TENM3: variants seen among roughly 807,000 people sequenced by gnomAD.
TENM3 encodes the protein teneurin-3.
TENM3 carries 63 observed loss-of-function variants against 255.1 expected under a neutral mutation model. The ratio of observed to expected loss-of-function variants is 0.25; its 90% CI spans 0.20 to 0.30. The LOEUF (loss-of-function observed/expected upper bound fraction) is 0.30. Ranked by LOEUF, TENM3 falls within the 10% of genes least tolerant of loss-of-function variation. The probability of loss-of-function intolerance (pLI) is 1.00; values close to 1 mark genes in which losing one functional copy is unlikely to be tolerated. For synonymous variants in TENM3, 1,306 were observed against 1,322.3 expected (o/e 0.99, Z 0.27); for missense variants, 2,929 against 3,461.1 (o/e 0.85, Z 3.86).
chr4:182,736,233 T>G (rs531412733), intron 16 of TENM3, among the ~76,000 whole-genome samples: 1 of 152,250 alleles, frequency 6.6e-6, no homozygotes, highest in Non-Finnish European at 1.5e-5. Flanking sequence ...TTATCCTTAC[T>G]GTCTTTATAG....
Position 182,743,169 on chromosome 4 carries a change from G to A in TENM3, c.3380-1G>A. 1 of 1,600,802 alleles carries A rather than the reference G, an allele frequency of 6.2e-7. No homozygotes were observed. The highest frequency in any genetic ancestry group is 8.6e-7 in the Non-Finnish European group (1 of 1,169,310). Reference sequence around the variant, plus strand: ...AAAACAATGCACTTTATTTCTTCTAGGTATACTGTACAAGGGAAACGGGGA... The same window carrying A: ...AAAACAATGCACTTTATTTCTTCTAAGTATACTGTACAAGGGAAACGGGGA... On this transcript the variant is annotated splice_acceptor_variant, in intron 18 of 27. Transcript: ENST00000511685. LOFTEE classifies it high-confidence loss of function.
intron 1 of TENM3, among the ~76,000 whole-genome samples, chr4:182,204,728 TACAGAATTCAAGCATTAA>T (rs1455733463): frequency 6.6e-6 from 1 of 152,122 alleles, no homozygotes; most frequent in Non-Finnish European, 1.5e-5. Context: ...GTGATGCTTG[TACAGAATTCAAGCATTAA>T]ATTCATTTTC....
In TENM3 at chr4:182,266,937, T is replaced by G. The variant is rs562178120; in HGVS notation, c.-76+23461T>G. Among the ~76,000 whole-genome samples, 6 of 152,328 alleles carry G rather than the reference T, an allele frequency of 3.9e-5. No homozygotes were observed. In the East Asian group the frequency reaches 1.2e-3, roughly 29 times the overall value. ...TCCACAGACAATTGTTGTCTTGTTTTAATCCTCTTTAGAAGGTGGTTTATA... is the reference window on the plus strand; with the variant it reads ...TCCACAGACAATTGTTGTCTTGTTTGAATCCTCTTTAGAAGGTGGTTTATA... On this transcript the variant is annotated intron_variant, in intron 1 of 27. Coordinates refer to ENST00000511685, the MANE Select transcript of TENM3 (RefSeq NM_001080477.4).
At chr4:182,464,230 CTT>C (rs10573850) in intron 3 of TENM3, among the ~76,000 whole-genome samples, 41,158 of 151,894 alleles carry the variant, frequency 0.27, 6,804 homozygotes, top group East Asian at 0.47. Context: ...ATTATTATAA[CTT>C]ATCAGATTTA....
chr4:181,990,106 A>T, the TENM3 span, among the ~76,000 whole-genome samples: 1 of 152,150 alleles, frequency 6.6e-6, no homozygotes, highest in Non-Finnish European at 1.5e-5. Context: ...CAGCTACGAA[A>T]AGGAAGGTTC....
At chr4:182,420,778 T>G (rs1770774183) in intron 3 of TENM3, among the ~76,000 whole-genome samples, 1 of 152,240 alleles carries the variant, frequency 6.6e-6, no homozygotes, top group African/African-American at 2.4e-5. Flanking sequence ...AAAAACATGC[T>G]GGGTTAGTCA....
the TENM3 span, among the ~76,000 whole-genome samples, chr4:181,448,230 G>C: frequency 0.099 from 12,202 of 122,726 alleles, 547 homozygotes; most frequent in East Asian, 0.22. Flanking sequence ...GCAGTGGCGC[G>C]ATCTCGGCTC....
At chr4:181,930,524 A>T in the TENM3 span, among the ~76,000 whole-genome samples, 1 of 152,342 alleles carries the variant, frequency 6.6e-6, no homozygotes, top group East Asian at 1.9e-4. Flanking sequence ...GGCAGTAATT[A>T]GTAGTCTACC....
the TENM3 span, among the ~76,000 whole-genome samples, chr4:181,759,565 T>C: frequency 1.6e-4 from 25 of 152,214 alleles, no homozygotes; most frequent in Middle Eastern, 3.4e-3. Context: ...TATAAATGTA[T>C]TTGCACCAAG....
chr4:182,316,831 C>T (rs532597144), intron 1 of TENM3, among the ~76,000 whole-genome samples: 11 of 152,256 alleles, frequency 7.2e-5, no homozygotes, highest in African/African-American at 1.4e-4. Flanking sequence ...ACCTGTTCTA[C>T]GGGGCTCAGC....
At chr4:182,089,525 G>A in the TENM3 span, among the ~76,000 whole-genome samples, 1 of 152,048 alleles carries the variant, frequency 6.6e-6, no homozygotes, top group Non-Finnish European at 1.5e-5. Context: ...CTCCCTGCTG[G>A]CCACAATAAT....
intron 22 of TENM3, among the ~76,000 whole-genome samples, chr4:182,763,269 A>C (rs1051188282): frequency 3.3e-5 from 5 of 152,234 alleles, no homozygotes; most frequent in African/African-American, 7.2e-5. Context: ...TTTCAAACTC[A>C]AGAAAAGATG....
chr4:182,355,216 A>G (rs1354417344), intron 3 of TENM3, among the ~76,000 whole-genome samples: 2 of 152,222 alleles, frequency 1.3e-5, no homozygotes, highest in African/African-American at 2.4e-5. Context: ...AGATTTAGAC[A>G]GAACAGCAAA....
the TENM3 span, among the ~76,000 whole-genome samples, chr4:181,857,949 A>G: frequency 1.3e-5 from 2 of 152,212 alleles, no homozygotes; most frequent in Non-Finnish European, 1.5e-5. Context: ...TTGTAACCAG[A>G]GTCCCCTTCC....
chr4:181,764,116 G>T, the TENM3 span, among the ~76,000 whole-genome samples: 3 of 152,246 alleles, frequency 2.0e-5, no homozygotes, highest in African/African-American at 7.2e-5. Context: ...CTAAAAGAAA[G>T]ATTTTTCAAG....
the TENM3 span, among the ~76,000 whole-genome samples, chr4:181,730,062 T>C: frequency 6.6e-6 from 1 of 151,794 alleles, no homozygotes; most frequent in Admixed American, 6.6e-5. Flanking sequence ...GCAGGAGAGG[T>C]TGGGTTTTAT....
At chr4:182,634,661 T>C (rs1181421596) in intron 5 of TENM3, among the ~76,000 whole-genome samples, 2 of 150,378 alleles carry the variant, frequency 1.3e-5, no homozygotes, top group East Asian at 3.9e-4. Context: ...CCTGTTGCAC[T>C]TCTCTGGGCC....
the TENM3 span, among the ~76,000 whole-genome samples, chr4:181,821,271 A>G: frequency 2.6e-5 from 4 of 152,178 alleles, no homozygotes; most frequent in African/African-American, 9.7e-5. Context: ...CCTCTCGTCC[A>G]GGCATAGCTG....
chr4:181,812,023 C>T, the TENM3 span, among the ~76,000 whole-genome samples: 139 of 152,206 alleles, frequency 9.1e-4, 2 homozygotes, highest in African/African-American at 3.2e-3. Context: ...TCTTAAAAAC[C>T]GTATCTGGCT....
Sources: allele counts gnomAD v4.1 joint callset (sites outside exome capture counted in the v4.1 genomes callset), GRCh38; gene constraint gnomAD v4.1.1; transcripts MANE v1.5; gene names NCBI Gene and HGNC (gene_info 2026-07-23, HGNC 2026-07-21).